PRR16: variants seen among roughly 807,000 people sequenced by gnomAD.
PRR16 encodes the protein proline rich 16.
In PRR16, 6 loss-of-function variants were observed where a neutral mutation model predicts 18.2. The ratio of observed to expected loss-of-function variants is 0.33; its 90% CI spans 0.18 to 0.65. The LOEUF (loss-of-function observed/expected upper bound fraction) is 0.65, where lower values mean the gene tolerates loss of function less well. Among genes scored for constraint, PRR16 ranks in the 30% least tolerant of loss-of-function variants. The pLI is 0.74. For missense variants in PRR16, 412 were observed against 376.6 expected (o/e 1.09, Z -0.78); for synonymous variants, 151 against 147.8 (o/e 1.02, Z -0.16).
rs543146135 is a variant in PRR16, at chr5:120,507,957, CCTT to C, written c.159+43317_159+43319del. ...CTTGCCTACCCACTATTTATTCCCTCCTTCTTCCTTAACATCAGAACCTCACTT... is the reference window on the plus strand; with the variant it reads ...CTTGCCTACCCACTATTTATTCCCTCCTTCCTTAACATCAGAACCTCACTT... On this transcript the variant is annotated intron_variant, in intron 1 of 1. Transcript: ENST00000407149. 2.9e-3 allele frequency among the ~76,000 whole-genome samples: 448 copies of C among 152,214 alleles called. 1 individual carries two copies. The highest frequency in any genetic ancestry group is 0.01 in the African/African-American group (421 of 41,554).
At chr5:120,744,388 C>T in the PRR16 span, among the ~76,000 whole-genome samples, 1 of 152,190 alleles carries the variant, frequency 6.6e-6, no homozygotes, top group East Asian at 1.9e-4. Context: ...TTCAGTTCCA[C>T]AGGGTTGGAA....
At chr5:120,604,913 C>G (rs1335115018) in intron 1 of PRR16, among the ~76,000 whole-genome samples, 5 of 152,174 alleles carry the variant, frequency 3.3e-5, no homozygotes, top group Non-Finnish European at 7.4e-5. Context: ...TGTTAGACTG[C>G]TGACATTACC....
At chr5:120,707,436 T>C in the PRR16 span, among the ~76,000 whole-genome samples, 20 of 152,292 alleles carry the variant, frequency 1.3e-4, no homozygotes, top group African/African-American at 4.1e-4. Flanking sequence ...CTAGATACTT[T>C]TGGAGAAACA....
intron 1 of PRR16, among the ~76,000 whole-genome samples, chr5:120,465,410 C>T (rs1749043681): frequency 6.6e-6 from 1 of 152,226 alleles, no homozygotes; most frequent in South Asian, 2.1e-4. Context: ...CGGGGTCTTG[C>T]CATTGGCGTC....
the PRR16 span, among the ~76,000 whole-genome samples, chr5:120,719,570 C>A: frequency 2.0e-5 from 3 of 152,004 alleles, no homozygotes; most frequent in Admixed American, 2.0e-4. Flanking sequence ...CTCATTAAAT[C>A]CATTTTTGAA....
rs1315290088 is a variant in PRR16 at position 120,686,361 on chromosome 5, T to C, written c.567T>C (p.His189=). ...LDKAPVQLLM[H]RPEKDRCPQA... is the part of the protein sequence containing the mutation. The stretch of plus-strand genomic sequence containing the variant: ...AGGCTCCAGTCCAGCTTCTGATGCA[T>C]AGACCTGAAAAAGACAGATGTCCCC... Residue 189 remains histidine (H), a synonymous_variant, in exon 2 of 2, where the codon CAT becomes CAC. Transcript: ENST00000407149. 1.9e-6 allele frequency: 3 copies of C among 1,614,052 alleles called. No homozygotes were observed. The African/African-American group carries it at 4.0e-5, about 22-fold the overall frequency.
chr5:120,487,910 C>G (rs143895093), intron 1 of PRR16, among the ~76,000 whole-genome samples: 200 of 151,984 alleles, frequency 1.3e-3, no homozygotes, highest in African/African-American at 4.5e-3. Context: ...TATAATCATG[C>G]GGTTTTTGTC....
chr5:120,776,079 C>CCAG, the PRR16 span, among the ~76,000 whole-genome samples: 2 of 152,112 alleles, frequency 1.3e-5, no homozygotes, highest in South Asian at 4.1e-4. Flanking sequence ...TAAGCTCCCT[C>CCAG]TGGGGCCTTG....
chr5:120,469,451 T>C (rs1749200152), intron 1 of PRR16, among the ~76,000 whole-genome samples: 1 of 152,124 alleles, frequency 6.6e-6, no homozygotes, highest in Admixed American at 6.6e-5. Flanking sequence ...GCCTTCTGAG[T>C]AGCTGGGACT....
downstream of PRR16, among the ~76,000 whole-genome samples, chr5:120,688,911 C>A (rs537846605): frequency 6.6e-6 from 1 of 152,094 alleles, no homozygotes; most frequent in Admixed American, 6.6e-5. Context: ...GTTCCAAATC[C>A]GTTTCTCTTT....
intron 1 of PRR16, among the ~76,000 whole-genome samples, chr5:120,572,951 A>G (rs747296560): frequency 4.6e-5 from 7 of 152,162 alleles, no homozygotes; most frequent in Non-Finnish European, 1.0e-4. Context: ...CCAGGGGATA[A>G]CAAAAAGCCC....
intron 1 of PRR16, among the ~76,000 whole-genome samples, chr5:120,499,045 C>T (rs958766288): frequency 6.7e-6 from 1 of 150,248 alleles, no homozygotes; most frequent in Non-Finnish European, 1.5e-5. Context: ...TCAGTTTCTT[C>T]AATCTGTAGG....
At chr5:120,531,676 T>G (rs1751555606) in intron 1 of PRR16, 1 of 152,090 alleles carries the variant, frequency 6.6e-6, no homozygotes, top group Admixed American at 6.6e-5. Flanking sequence ...GTTTTGCCAT[T>G]GTCACTATCT....
chr5:120,619,882 A>G (rs1030603784), intron 1 of PRR16, among the ~76,000 whole-genome samples: 6 of 152,110 alleles, frequency 3.9e-5, no homozygotes, highest in African/African-American at 1.4e-4. Context: ...AGTCAAGTAG[A>G]AGACTAAAAC....
chr5:120,740,475 A>G, the PRR16 span, among the ~76,000 whole-genome samples: 6 of 152,152 alleles, frequency 3.9e-5, no homozygotes, highest in African/African-American at 1.4e-4. Context: ...TTTTATTTGA[A>G]AATACCACAC....
the PRR16 span, among the ~76,000 whole-genome samples, chr5:120,748,864 G>A: frequency 1.3e-5 from 2 of 152,096 alleles, no homozygotes; most frequent in Non-Finnish European, 2.9e-5. Context: ...AGAAACGTCA[G>A]AATGAAAATT....
chr5:120,701,713 C>T, the PRR16 span, among the ~76,000 whole-genome samples: 1 of 151,970 alleles, frequency 6.6e-6, no homozygotes, highest in Non-Finnish European at 1.5e-5. Context: ...CTCAGCAACG[C>T]TTGGGGTTGG....
At chr5:120,693,846 AATG>A in the PRR16 span, among the ~76,000 whole-genome samples, 1 of 152,182 alleles carries the variant, frequency 6.6e-6, no homozygotes, top group Non-Finnish European at 1.5e-5. Flanking sequence ...CATTTATAGA[AATG>A]ATATGTATTA....
intron 1 of PRR16, among the ~76,000 whole-genome samples, chr5:120,519,321 C>T (rs1238059024): frequency 6.6e-6 from 1 of 151,792 alleles, no homozygotes; most frequent in Non-Finnish European, 1.5e-5. Flanking sequence ...TTTGGATGTG[C>T]TAATGGCAAA....
Sources: allele counts gnomAD v4.1 joint callset (sites outside exome capture counted in the v4.1 genomes callset), GRCh38; gene constraint gnomAD v4.1.1; transcripts MANE v1.5; gene names NCBI Gene and HGNC (gene_info 2026-07-23, HGNC 2026-07-21).